SEMA3C: variants seen among roughly 807,000 people sequenced by gnomAD.
SEMA3C encodes semaphorin-3C.
A neutral mutation model predicts 89.4 loss-of-function variants in SEMA3C; 47 were observed. The ratio of observed to expected loss-of-function variants is 0.53; its 90% CI spans 0.42 to 0.67. SEMA3C has a LOEUF of 0.67. Among genes scored for constraint, SEMA3C ranks in the 30% least tolerant of loss-of-function variants. The pLI, the probability that SEMA3C is intolerant of heterozygous loss-of-function variation, is 0.00. For synonymous variants in SEMA3C, 310 were observed against 320.2 expected, an observed-to-expected ratio of 0.97 and a Z score of 0.34; for missense variants, 839 against 929.1, an observed-to-expected ratio of 0.90 and a Z score of 1.26.
rs116628466 is a variant in SEMA3C, at chr7:80,758,311, G to C, written c.1643+20C>G. 130 of 1,600,464 alleles carry C rather than the reference G, an allele frequency of 8.1e-5. No homozygotes were observed. In the African/African-American group the frequency reaches 1.5e-3, roughly 19 times the overall value. ...CTGGTGTCCTACATTTGGATGTTGA[G>C]CCGAGTGTTTAGTGCTCACCGTTTC... On this transcript the variant is annotated intron_variant, in intron 15 of 17. Transcript: ENST00000265361.
At chr7:80,813,484 C>T (rs1050268297) in intron 5 of SEMA3C, among the ~76,000 whole-genome samples, 1 of 152,154 alleles carries the variant, frequency 6.6e-6, no homozygotes. Context: ...GCAGAGAAAG[C>T]AAAGCCCTTA....
intron 11 of SEMA3C, among the ~76,000 whole-genome samples, chr7:80,795,860 T>C (rs1402308670): frequency 6.6e-6 from 1 of 151,962 alleles, no homozygotes; most frequent in Non-Finnish European, 1.5e-5. Context: ...GATAGTTCCA[T>C]GATGGCTGAT....
intron 8 of SEMA3C, among the ~76,000 whole-genome samples, chr7:80,803,884 C>G (rs1290811719): frequency 1.3e-5 from 2 of 151,958 alleles, no homozygotes; most frequent in Admixed American, 6.6e-5. Context: ...ATGTTTATCT[C>G]ATATAACTTA....
chr7:80,825,463 G>A (rs1329456323), intron 4 of SEMA3C, among the ~76,000 whole-genome samples: 1 of 152,130 alleles, frequency 6.6e-6, no homozygotes, highest in Non-Finnish European at 1.5e-5. Context: ...AAAACTATGG[G>A]AAAATGTCAG....
intron 12 of SEMA3C, among the ~76,000 whole-genome samples, chr7:80,768,501 G>A (rs907969073): frequency 6.8e-6 from 1 of 147,660 alleles, no homozygotes; most frequent in Non-Finnish European, 1.5e-5. Context: ...GCGACAGAGC[G>A]AGACTCCGTC....
chr7:80,788,046 T>C (rs1030559463), intron 12 of SEMA3C, among the ~76,000 whole-genome samples: 3 of 151,926 alleles, frequency 2.0e-5, no homozygotes, highest in Non-Finnish European at 4.4e-5. Flanking sequence ...TTTTCAAGAA[T>C]AAAAAAAGGA....
intron 12 of SEMA3C, among the ~76,000 whole-genome samples, chr7:80,767,643 AATT>A (rs1166674764): frequency 3.3e-5 from 5 of 152,206 alleles, no homozygotes; most frequent in Non-Finnish European, 7.3e-5. Flanking sequence ...TCTTCTTTTA[AATT>A]ATAACTAAAT....
At chr7:80,745,424 T>A in intron 17 of SEMA3C, 117 bp from the exon 18 acceptor site, 2 of 980,338 alleles carry the variant, frequency 2.0e-6, no homozygotes, top group Non-Finnish European at 3.0e-6. Context: ...TATTGAGCAC[T>A]ACTTAGCATC....
chr7:80,905,252 T>TAGGAAGAGAG (rs1791980340), intron 2 of SEMA3C, among the ~76,000 whole-genome samples: 1 of 32,722 alleles, frequency 3.1e-5, no homozygotes, highest in Non-Finnish European at 5.0e-5. Context: ...GAGGGAGAGA[T>TAGGAAGAGAG]AGGGAGAGAG....
intron 2 of SEMA3C, among the ~76,000 whole-genome samples, chr7:80,885,410 A>T (rs1412402183): frequency 1.3e-5 from 2 of 152,170 alleles, no homozygotes; most frequent in East Asian, 3.9e-4. Context: ...TGAGCTCAGG[A>T]GTTCAAGACC....
chr7:80,838,893 A>G (rs1459376601), intron 2 of SEMA3C, among the ~76,000 whole-genome samples: 1 of 152,184 alleles, frequency 6.6e-6, no homozygotes, highest in Non-Finnish European at 1.5e-5. Flanking sequence ...AACTGAGATG[A>G]GATTTCAGTG....
chr7:80,890,568 C>G (rs1348587212), intron 2 of SEMA3C, among the ~76,000 whole-genome samples: 1 of 152,080 alleles, frequency 6.6e-6, no homozygotes, highest in East Asian at 1.9e-4. Context: ...CTTTTTAAAT[C>G]TATTGGTCTG....
chr7:80,879,421 G>A (rs1293550739), intron 2 of SEMA3C, among the ~76,000 whole-genome samples: 1 of 152,124 alleles, frequency 6.6e-6, no homozygotes, highest in Non-Finnish European at 1.5e-5. Context: ...AGTCAGCAGG[G>A]TAAGGGGCAA....
At chr7:80,852,686 T>A (rs1424611100) in intron 2 of SEMA3C, among the ~76,000 whole-genome samples, 1 of 151,508 alleles carries the variant, frequency 6.6e-6, no homozygotes, top group African/African-American at 2.4e-5. Context: ...CATTTTTTTT[T>A]TTTTTTTTTT....
At chr7:80,845,443 G>T (rs1790367397) in intron 2 of SEMA3C, among the ~76,000 whole-genome samples, 1 of 151,926 alleles carries the variant, frequency 6.6e-6, no homozygotes, top group African/African-American at 2.4e-5. Context: ...AGAATACAAG[G>T]CAGTATATGA....
chr7:80,861,330 T>C (rs1365830882), intron 2 of SEMA3C, among the ~76,000 whole-genome samples: 1 of 152,144 alleles, frequency 6.6e-6, no homozygotes, highest in East Asian at 1.9e-4. Flanking sequence ...AATGATTCAG[T>C]TATTTATAAT....
At chr7:80,854,063 T>G (rs967779407) in intron 2 of SEMA3C, among the ~76,000 whole-genome samples, 2 of 152,196 alleles carry the variant, frequency 1.3e-5, no homozygotes, top group African/African-American at 4.8e-5. Flanking sequence ...TTGAGAAATG[T>G]AAAAATTATT....
intron 12 of SEMA3C, among the ~76,000 whole-genome samples, chr7:80,786,360 A>C (rs2115563301): frequency 6.6e-6 from 1 of 152,022 alleles, no homozygotes; most frequent in Admixed American, 6.6e-5. Context: ...TACATCTTTT[A>C]TGGAGAAAAT....
intron 12 of SEMA3C, among the ~76,000 whole-genome samples, chr7:80,788,689 C>T (rs902990029): frequency 6.6e-6 from 1 of 152,088 alleles, no homozygotes; most frequent in African/African-American, 2.4e-5. Context: ...AAAAGAGTGC[C>T]ATCAATATTT....
Sources: allele counts gnomAD v4.1 joint callset (sites outside exome capture counted in the v4.1 genomes callset), GRCh38; gene constraint gnomAD v4.1.1; transcripts MANE v1.5; gene names NCBI Gene and HGNC (gene_info 2026-07-23, HGNC 2026-07-21).